Variants in PROM1 observed in about 807,000 individuals in gnomAD.
PROM1 encodes prominin 1, also known as prominin-1.
PROM1 carries 105 observed loss-of-function variants against 116.9 expected under a neutral mutation model. The ratio of observed to expected loss-of-function variants is 0.90; its 90% CI spans 0.77 to 1.06. PROM1 has a LOEUF of 1.06. Among genes scored for constraint, PROM1 ranks in the 50% least tolerant of loss-of-function variants. The pLI is 0.00. For missense variants in PROM1, 1,122 were observed against 1,045.2 expected (o/e 1.07, Z -1.01); for synonymous variants, 393 against 387.0 (o/e 1.02, Z -0.18).
rs144910885 is a variant in PROM1 at position 16,027,297 on chromosome 4, A to AACACACACACACACACAC, written c.510-2003_510-1986dup. ...TGATTTTGGAGTTTTGTGAAGAAGA[A>AACACACACACACACACAC]ACACACACACACACACACACACACA... On this transcript the variant is annotated intron_variant, in intron 5 of 27. Transcript: ENST00000447510. 1.3e-3 allele frequency among the ~76,000 whole-genome samples: 186 copies of AACACACACACACACACAC among 147,224 alleles called. 1 individual carries two copies. Among genetic ancestry groups the AACACACACACACACACAC allele is most frequent in the East Asian group, 4.8e-3 (24 of 4,964 alleles).
At position 16,022,101 on chromosome 4, in the gene PROM1, AGGAAGGAG is replaced by A. The variant is rs775310389; in HGVS notation, c.784+1217_784+1224del. Among the ~76,000 whole-genome samples the A allele has an allele frequency of 7.5e-4, 107 of 143,330 alleles. 4 individuals are homozygous for A. The highest frequency in any genetic ancestry group is 4.3e-4 in the Non-Finnish European group (28 of 65,156). 94.0% of individuals were successfully genotyped at this position (143,330 alleles called of 152,430 possible). On this transcript the variant is annotated intron_variant, in intron 8 of 27. Coordinates refer to ENST00000447510, the MANE Select transcript of PROM1 (RefSeq NM_006017.3). Reference sequence around the variant, plus strand: ...AGGGGAGAGAGGGAAGGAGAAAGGAAGGAAGGAGGGAAGGAGGGAAGAAGGGAAGGAGG... The same window carrying A: ...AGGGGAGAGAGGGAAGGAGAAAGGAAGGAAGGAGGGAAGAAGGGAAGGAGG...
At chr4:16,057,304 G>A (rs901347223) in intron 2 of PROM1, among the ~76,000 whole-genome samples, 8 of 152,188 alleles carry the variant, frequency 5.3e-5, no homozygotes, top group African/African-American at 1.9e-4. Flanking sequence ...ATATAAAAAC[G>A]TATACAACCT....
chr4:16,039,630 TG>T (rs1246748554), intron 2 of PROM1, among the ~76,000 whole-genome samples: 1 of 150,192 alleles, frequency 6.7e-6, no homozygotes. Flanking sequence ...CCCAGCTACT[TG>T]GGAGGCTGAG....
intron 11 of PROM1, among the ~76,000 whole-genome samples, chr4:16,011,604 C>T (rs778956973): frequency 2.6e-5 from 4 of 152,190 alleles, no homozygotes; most frequent in Non-Finnish European, 5.9e-5. Context: ...CATGTATGGG[C>T]AGGAGAGGTC....
chr4:15,970,397 T>G (rs545510349), intron 27 of PROM1, among the ~76,000 whole-genome samples: 5 of 152,154 alleles, frequency 3.3e-5, no homozygotes, highest in South Asian at 4.2e-4. Context: ...GGTTTTGAGC[T>G]CCTGACCTCA....
At chr4:16,056,925 T>C (rs1008223338) in intron 2 of PROM1, among the ~76,000 whole-genome samples, 4 of 152,188 alleles carry the variant, frequency 2.6e-5, no homozygotes, top group Non-Finnish European at 5.9e-5. Flanking sequence ...GGGGACAGAT[T>C]TGAAATACAC....
At position 16,018,537 on chromosome 4, in the gene PROM1, A is replaced by G; in HGVS notation, c.788T>C (p.Ile263Thr). 1 of 1,604,862 alleles carries G rather than the reference A, an allele frequency of 6.2e-7. No homozygotes were observed. ...LDEIKSMATA[I>T]KETKEALENM... ...CTCCAACGCCTCTTTGGTCTCCTTGATCGCTATGGAAACACAGCCCGCTTC... is the reference window on the plus strand; with the variant it reads ...CTCCAACGCCTCTTTGGTCTCCTTGGTCGCTATGGAAACACAGCCCGCTTC... Residue 263 changes from isoleucine to threonine, a missense_variant, in exon 9 of 28, where the codon ATC becomes ACC. By Grantham distance (89) the Ile-to-Thr change is moderately conservative (BLOSUM62 -1). Transcript: ENST00000447510.
rs187562476 is a variant in PROM1 at position 16,078,938 on chromosome 4, C to G, written c.-212-2820G>C. The stretch of plus-strand genomic sequence containing the variant: ...TTGTCAAATCATGGGCTGCTCAGAT[C>G]CCAAGTGGCTGCCAGTACTAACCTC... On this transcript the variant is annotated intron_variant, in intron 1 of 27. Coordinates refer to ENST00000447510, the MANE Select transcript of PROM1 (RefSeq NM_006017.3). 1.7e-3 allele frequency among the ~76,000 whole-genome samples: 266 copies of G among 152,310 alleles called. 1 individual carries two copies. The highest frequency in any genetic ancestry group is 2.6e-3 in the Non-Finnish European group (175 of 68,028).
At chr4:15,997,359 G>C (rs1280549591) in intron 15 of PROM1, among the ~76,000 whole-genome samples, 1 of 148,588 alleles carries the variant, frequency 6.7e-6, no homozygotes, top group African/African-American at 2.5e-5. Flanking sequence ...TCACTGTGTA[G>C]TGTCTGCTTT....
At chr4:16,058,386 T>C (rs781350573) in intron 2 of PROM1, among the ~76,000 whole-genome samples, 5 of 152,128 alleles carry the variant, frequency 3.3e-5, no homozygotes, top group Non-Finnish European at 5.9e-5. Context: ...ACTCAAATGA[T>C]AAACTATCAG....
chr4:16,069,128 G>A (rs1046612002), intron 2 of PROM1, among the ~76,000 whole-genome samples: 13 of 152,092 alleles, frequency 8.5e-5, no homozygotes, highest in Admixed American at 4.6e-4. Flanking sequence ...CCAGCTACGC[G>A]GGAGGCTGAG....
intron 2 of PROM1, among the ~76,000 whole-genome samples, chr4:16,043,717 A>T (rs541041306): frequency 6.6e-6 from 1 of 152,328 alleles, no homozygotes; most frequent in South Asian, 2.1e-4. Flanking sequence ...ACAGAAAACA[A>T]GGGGAGCCTG....
chr4:16,048,759 A>G lies in PROM1; in HGVS notation c.221-9758T>C, dbSNP rs535531078. Among the ~76,000 whole-genome samples the G allele has an allele frequency of 3.9e-5, 6 of 152,272 alleles. No individual in the cohort carries two copies. In the East Asian group the frequency reaches 9.7e-4, roughly 24 times the overall value. On this transcript the variant is annotated intron_variant, in intron 2 of 27. Coordinates refer to ENST00000447510, the MANE Select transcript of PROM1 (RefSeq NM_006017.3). Reference sequence around the variant, plus strand: ...GAGCTCAGAAAACATGCTGCCCGGGAAGCTATTCCTGTGAAAACATCTGGA... The same window carrying G: ...GAGCTCAGAAAACATGCTGCCCGGGGAGCTATTCCTGTGAAAACATCTGGA...
intron 2 of PROM1, among the ~76,000 whole-genome samples, chr4:16,072,887 C>T (rs775117149): frequency 1.3e-5 from 2 of 152,168 alleles, no homozygotes; most frequent in Non-Finnish European, 2.9e-5. Flanking sequence ...ACTGGCTCAC[C>T]TGGTCTTGTG....
chr4:16,008,110 G>A (rs776412521), intron 12 of PROM1, among the ~76,000 whole-genome samples: 2 of 152,198 alleles, frequency 1.3e-5, no homozygotes, highest in Non-Finnish European at 2.9e-5. Flanking sequence ...GGTAGCAACT[G>A]CTATAATTTT....
At chr4:16,067,171 T>C (rs1011810163) in intron 2 of PROM1, among the ~76,000 whole-genome samples, 1 of 152,172 alleles carries the variant, frequency 6.6e-6, no homozygotes, top group African/African-American at 2.4e-5. Context: ...ATGGAGGGAA[T>C]AGGGTGCAGC....
At chr4:16,078,037 TCAC>T (rs1256574016) in intron 1 of PROM1, 1 of 152,164 alleles carries the variant, frequency 6.6e-6, no homozygotes, top group African/African-American at 2.4e-5. Flanking sequence ...TCACCCTAAG[TCAC>T]CACCTCTACA....
chr4:16,046,711 CA>C (rs1736631650), intron 2 of PROM1, among the ~76,000 whole-genome samples: 1 of 152,224 alleles, frequency 6.6e-6, no homozygotes, highest in Non-Finnish European at 1.5e-5. Flanking sequence ...CAAAGCCAGT[CA>C]CTTCAGCTCC....
Position 16,018,315 on chromosome 4 carries a change from C to T in PROM1, c.1002+8G>A. The T allele has an allele frequency of 6.2e-7, 1 of 1,612,088 alleles. No homozygotes were observed. Among genetic ancestry groups the T allele is most frequent in the Non-Finnish European group, 8.5e-7 (1 of 1,179,424 alleles). ...GCCCTTGACCATGGCAAGCTCATGC[C>T]TGCTCACCTGCCTCAGTTCAGGGTT... is the stretch of plus-strand genomic sequence containing the variant. On this transcript the variant is annotated splice_region_variant and intron_variant, in intron 9 of 27. Transcript: ENST00000447510.
Sources: gnomAD v4.1 joint callset for allele counts (sites outside exome capture counted in the v4.1 genomes callset) on GRCh38, gnomAD v4.1.1 for gene constraint, MANE v1.5 for transcripts, NCBI Gene and HGNC (gene_info 2026-07-23, HGNC 2026-07-21) for gene names.